The following SHROOM3 variants were observed in gnomAD, a reference collection of about 807,000 sequenced individuals.
SHROOM3 encodes shroom family member 3, also known as protein Shroom3.
A neutral mutation model predicts 138.6 loss-of-function variants in SHROOM3; 47 were observed. The observed-to-expected ratio is 0.34, with a 90% CI of 0.27 to 0.43. SHROOM3 has a LOEUF of 0.43. Among genes scored for constraint, SHROOM3 ranks in the 20% least tolerant of loss-of-function variants. The probability of loss-of-function intolerance (pLI) is 1.00; values close to 1 mark genes in which losing one functional copy is unlikely to be tolerated. For missense variants in SHROOM3, 2,491 were observed against 2,596.5 expected (o/e 0.96, Z 0.88); for synonymous variants, 1,062 against 1,063.3 (o/e 1.00, Z 0.02).
At chr4:76,674,909 C>A (rs7672611) in intron 2 of SHROOM3, among the ~76,000 whole-genome samples, 150,269 of 151,652 alleles carry the variant, frequency 0.99, 74,455 homozygotes, top group East Asian at 1. Context: ...CCTCCCCATT[C>A]CCCCCACTCT....
intron 2 of SHROOM3, among the ~76,000 whole-genome samples, chr4:76,630,961 A>C (rs1735298580): frequency 6.6e-6 from 1 of 152,228 alleles, no homozygotes; most frequent in South Asian, 2.1e-4. Context: ...TAACTCATTG[A>C]ACAAATATTC....
intron 2 of SHROOM3, among the ~76,000 whole-genome samples, chr4:76,674,812 CCCAAAGTGCT>C (rs1319382925): frequency 6.6e-6 from 1 of 152,222 alleles, no homozygotes; most frequent in East Asian, 1.9e-4. Flanking sequence ...GCCTCGGCCT[CCCAAAGTGCT>C]GGGATTACAG....
chr4:76,548,084 C>A (rs1317586682), intron 1 of SHROOM3, among the ~76,000 whole-genome samples: 1 of 150,918 alleles, frequency 6.6e-6, no homozygotes, highest in African/African-American at 2.4e-5. Context: ...TTGTGTAAGA[C>A]CTGGAGGAGG....
chr4:76,506,010 G>A (rs1238724476), intron 1 of SHROOM3, among the ~76,000 whole-genome samples: 2 of 152,076 alleles, frequency 1.3e-5, no homozygotes, highest in African/African-American at 2.4e-5. Flanking sequence ...ATAAAAAAAT[G>A]TGGCACATAT....
intron 2 of SHROOM3, among the ~76,000 whole-genome samples, chr4:76,585,009 ACT>A (rs1480813520): frequency 2.0e-5 from 3 of 152,184 alleles, no homozygotes; most frequent in Non-Finnish European, 2.9e-5. Flanking sequence ...GATATAAATA[ACT>A]CTGGAATTCA....
intron 2 of SHROOM3, among the ~76,000 whole-genome samples, chr4:76,621,761 A>C (rs548475501): frequency 6.6e-6 from 1 of 152,126 alleles, no homozygotes; most frequent in South Asian, 2.1e-4. Flanking sequence ...TCAGCATGAG[A>C]TACAGGTCCC....
At chr4:76,511,447 C>T (rs1462784397) in intron 1 of SHROOM3, among the ~76,000 whole-genome samples, 2 of 152,068 alleles carry the variant, frequency 1.3e-5, no homozygotes, top group African/African-American at 4.8e-5. Context: ...ATCGGAATTC[C>T]CCTACTCTCA....
Position 76,754,904 on chromosome 4 carries a change from C to A in SHROOM3, c.4421C>A (p.Thr1474Lys), listed in dbSNP as rs760368665. 8.7e-6 allele frequency: 14 copies of A among 1,614,232 alleles called. No individual in the cohort carries two copies. The highest frequency in any genetic ancestry group is 1.2e-5 in the Non-Finnish European group (14 of 1,180,026). ...PSLCSTSDPD[T>K]PLGAPSTPGR... ...TTATGCAGCACTTCTGACCCAGACA[C>A]ACCTCTTGGGGCCCCGAGCACTCCA... The change falls in exon 7 of 11, where the codon ACA becomes AAA. Residue 1474 changes from threonine (T) to lysine (K), a missense_variant. Physicochemically the swap from Thr to Lys is moderately conservative, Grantham distance 78. This residue lies in a region of SHROOM3 where 1,733 missense variants were observed against 1,661.6 expected (regional missense o/e 1.04). Transcript: ENST00000296043.
intron 1 of SHROOM3, among the ~76,000 whole-genome samples, chr4:76,446,424 GGGGGA>G (rs1730807407): frequency 1.4e-5 from 1 of 73,866 alleles, no homozygotes; most frequent in Non-Finnish European, 4.5e-5. Flanking sequence ...TGGCGGCGGT[GGGGGA>G]TGCACATCTA....
Position 76,435,893 on chromosome 4 carries a change from C to A in SHROOM3, c.-160C>A. On this transcript the variant is annotated 5_prime_UTR_variant, in exon 1 of 11. Coordinates refer to ENST00000296043, the MANE Select transcript of SHROOM3 (RefSeq NM_020859.4). ...TCTGGTTCAGCATCTTGGAGTTCAG[C>A]TTGGAAGAACATTTTACGTATGGAA... The A allele has an allele frequency of 1.6e-6, 1 of 642,598 alleles. No homozygotes were observed. 39.8% of individuals were successfully genotyped at this position (642,598 alleles called of 1,614,324 possible). A position where few individuals can be genotyped will look rare whatever the true frequency, so the allele number is the denominator to read the frequency against.
At chr4:76,507,982 G>A (rs981519811) in intron 1 of SHROOM3, among the ~76,000 whole-genome samples, 13 of 152,124 alleles carry the variant, frequency 8.5e-5, no homozygotes, top group Non-Finnish European at 1.9e-4. Context: ...TCAGATACAT[G>A]TTTTACAACA....
intron 1 of SHROOM3, among the ~76,000 whole-genome samples, chr4:76,448,300 A>G (rs1730855218): frequency 6.6e-6 from 1 of 152,190 alleles, no homozygotes. Flanking sequence ...CTGGGAAACA[A>G]CAGAAGATGA....
chr4:76,465,524 C>T (rs945912808), intron 1 of SHROOM3, among the ~76,000 whole-genome samples: 3 of 152,188 alleles, frequency 2.0e-5, no homozygotes, highest in African/African-American at 7.2e-5. Context: ...CACTGCAGGC[C>T]GAAGCTCCTT....
chr4:76,676,184 T>C (rs1467352640), intron 2 of SHROOM3, among the ~76,000 whole-genome samples: 1 of 152,124 alleles, frequency 6.6e-6, no homozygotes, highest in Non-Finnish European at 1.5e-5. Flanking sequence ...GTTCATAAAT[T>C]CAGGGAAAAA....
In SHROOM3 at chr4:76,754,828, C is replaced by G; in HGVS notation, c.4345C>G (p.Pro1449Ala). Residue 1449 changes from proline to alanine, a missense_variant, in exon 7 of 11, where the codon CCT becomes GCT. Pro to Ala is a conservative substitution (Grantham distance 27, BLOSUM62 -1). This residue lies in a region of SHROOM3 where 1,733 missense variants were observed against 1,661.6 expected (regional missense o/e 1.04). Transcript: ENST00000296043. ...CAGCCTTCCTGAGGAATCCTCAGCC[C>G]CTGATTTTGCAAACCTGAAGCACTA... ...EDSLPEESSA[P>A]DFANLKHYQK... The G allele has an allele frequency of 6.2e-7, 1 of 1,614,118 alleles. No individual in the cohort carries two copies. Among genetic ancestry groups the G allele is most frequent in the Non-Finnish European group, 8.5e-7 (1 of 1,180,006 alleles).
intron 2 of SHROOM3, among the ~76,000 whole-genome samples, chr4:76,597,693 T>G (rs1392139870): frequency 6.6e-6 from 1 of 151,590 alleles, no homozygotes; most frequent in Non-Finnish European, 1.5e-5. Flanking sequence ...TCCAAGATGT[T>G]TATTCTTCTT....
intron 2 of SHROOM3, among the ~76,000 whole-genome samples, chr4:76,591,094 CTG>C (rs765889290): frequency 2.1e-4 from 32 of 152,270 alleles, no homozygotes; most frequent in Admixed American, 9.8e-4. Flanking sequence ...TTTACAAAAA[CTG>C]AGGTTTTTCC....
At chr4:76,687,840 G>C (rs1299936687) in intron 2 of SHROOM3, among the ~76,000 whole-genome samples, 1 of 152,196 alleles carries the variant, frequency 6.6e-6, no homozygotes, top group Non-Finnish European at 1.5e-5. Flanking sequence ...CACAGAAGTA[G>C]AGGGATCTGT....
chr4:76,564,289 C>T (rs978713618), intron 2 of SHROOM3, among the ~76,000 whole-genome samples: 1 of 152,124 alleles, frequency 6.6e-6, no homozygotes, highest in Admixed American at 6.6e-5. Context: ...GGTAACTTAC[C>T]CTTCTAAACA....
Sources: allele counts gnomAD v4.1 joint callset (sites outside exome capture counted in the v4.1 genomes callset), GRCh38; gene constraint gnomAD v4.1.1; regional missense constraint gnomAD v4.1.1; transcripts MANE v1.5; gene names NCBI Gene and HGNC (gene_info 2026-07-23, HGNC 2026-07-21).